The following SNX25 variants were observed in gnomAD, a reference collection of about 807,000 sequenced individuals.
SNX25 encodes the protein sorting nexin-25.
A neutral mutation model predicts 113.7 loss-of-function variants in SNX25; 62 were observed. That is an observed-to-expected ratio of 0.55 (90% CI 0.44 to 0.67). SNX25 has a LOEUF of 0.67. Ranked by LOEUF, SNX25 falls within the 30% of genes least tolerant of loss-of-function variation. SNX25 has a pLI of 0.00. For synonymous variants in SNX25, 421 were observed against 436.2 expected, an observed-to-expected ratio of 0.97 and a Z score of 0.43; for missense variants, 1,014 against 1,161.0, an observed-to-expected ratio of 0.87 and a Z score of 1.84.
At chr4:185,326,588 C>T (rs2095158814) in intron 9 of SNX25, among the ~76,000 whole-genome samples, 1 of 152,104 alleles carries the variant, frequency 6.6e-6, no homozygotes, top group African/African-American at 2.4e-5. Flanking sequence ...TAAGATATAT[C>T]AGAATTATAG....
At chr4:185,367,313 T>G (rs1579959211), downstream of SNX25, 6 of 1,410,598 alleles carry the variant, frequency 4.3e-6, 2 homozygotes, top group Admixed American at 1.3e-4. Context: ...CTTTTTTTTT[T>G]TTTCTTTTTT....
chr4:185,211,449 G>A (rs1050964295), intron 1 of SNX25, among the ~76,000 whole-genome samples: 2 of 152,150 alleles, frequency 1.3e-5, no homozygotes, highest in Middle Eastern at 3.4e-3. Flanking sequence ...CAGGAGTTGC[G>A]GAGCAGATAT....
At chr4:185,361,164 G>T (rs2095361421) in intron 16 of SNX25, among the ~76,000 whole-genome samples, 1 of 152,052 alleles carries the variant, frequency 6.6e-6, no homozygotes, top group Non-Finnish European at 1.5e-5. Context: ...CGAGTATCCT[G>T]CCCAGCATTC....
chr4:185,260,651 G>A (rs1319077005), intron 3 of SNX25, among the ~76,000 whole-genome samples: 1 of 152,214 alleles, frequency 6.6e-6, no homozygotes. Flanking sequence ...AGCCACGGGA[G>A]TGATGATGCC....
rs150071310 is a variant in SNX25, at chr4:185,250,173, G to A, written c.514+2795G>A. On this transcript the variant is annotated intron_variant, in intron 2 of 18. Coordinates refer to ENST00000652585, the MANE Select transcript of SNX25 (RefSeq NM_001378034.2). Reference sequence around the variant, plus strand: ...CTGAGGATGGATGTGTTTGGATTTTGTTCTTCACCTAAAGTGAGTCCCTCA... The same window carrying A: ...CTGAGGATGGATGTGTTTGGATTTTATTCTTCACCTAAAGTGAGTCCCTCA... Among the ~76,000 whole-genome samples the A allele has an allele frequency of 1.9e-4, 29 of 152,270 alleles. No individual in the cohort carries two copies. In the East Asian group the frequency reaches 5.6e-3, roughly 29 times the overall value.
At chr4:185,312,871 G>C (rs2692597) in intron 7 of SNX25, among the ~76,000 whole-genome samples, 4,044 of 152,174 alleles carry the variant, frequency 0.027, 163 homozygotes, top group African/African-American at 0.087. Context: ...ACTCATTTCT[G>C]TTGCAATAAT....
intron 3 of SNX25, among the ~76,000 whole-genome samples, chr4:185,261,442 G>A (rs1410638358): frequency 6.6e-6 from 1 of 152,172 alleles, no homozygotes; most frequent in Non-Finnish European, 1.5e-5. Context: ...CTGCCAAGGT[G>A]CTGGGATTAC....
chr4:185,245,474 A>C (rs1471654983), intron 1 of SNX25, among the ~76,000 whole-genome samples: 1 of 151,936 alleles, frequency 6.6e-6, no homozygotes, highest in Non-Finnish European at 1.5e-5. Flanking sequence ...AGTAGCTGGG[A>C]TTACAGGTGC....
chr4:185,328,021 C>T (rs963013289), intron 9 of SNX25, among the ~76,000 whole-genome samples: 7 of 152,124 alleles, frequency 4.6e-5, no homozygotes, highest in Non-Finnish European at 8.8e-5. Flanking sequence ...CTGAAAGATC[C>T]CATAGCTTTT....
intron 11 of SNX25, among the ~76,000 whole-genome samples, chr4:185,341,024 A>G (rs1204854324): frequency 6.6e-6 from 1 of 152,176 alleles, no homozygotes; most frequent in African/African-American, 2.4e-5. Flanking sequence ...TGGGGTGGTA[A>G]TCCTGCCTCA....
At chr4:185,238,248 C>T (rs1423728895) in intron 1 of SNX25, among the ~76,000 whole-genome samples, 1 of 151,826 alleles carries the variant, frequency 6.6e-6, no homozygotes, top group African/African-American at 2.4e-5. Flanking sequence ...GTGGCTGGGT[C>T]AAGGACCTAC....
chr4:185,273,266 G>T (rs1170002813), intron 5 of SNX25, among the ~76,000 whole-genome samples: 1 of 152,126 alleles, frequency 6.6e-6, no homozygotes, highest in Non-Finnish European at 1.5e-5. Context: ...TATATTTAAG[G>T]TGTACAGTGT....
At chr4:185,374,315 T>TA, downstream of SNX25, 1 of 1,614,090 alleles carries the variant, frequency 6.2e-7, no homozygotes, top group African/African-American at 1.3e-5. Flanking sequence ...TCAGGTAGGA[T>TA]TACCTTTCAG....
chr4:185,366,683 T>G (rs2095389057), downstream of SNX25: 1 of 152,216 alleles, frequency 6.6e-6, no homozygotes, highest in Non-Finnish European at 1.5e-5. Flanking sequence ...AAATTTTAAA[T>G]TTTTAAAATT....
chr4:185,212,804 G>A (rs898620810), intron 1 of SNX25, among the ~76,000 whole-genome samples: 2 of 152,160 alleles, frequency 1.3e-5, no homozygotes, highest in African/African-American at 4.8e-5. Flanking sequence ...TGAACCAAAT[G>A]GAGCTCCTTA....
rs113697299 is a variant in SNX25, at chr4:185,353,532, G to C, written c.2514G>C (p.Val838=). The C allele has an allele frequency of 1.9e-6, 3 of 1,614,184 alleles. No individual in the cohort carries two copies. The African/African-American group carries it at 4.0e-5, about 22-fold the overall frequency. ...DSDLSDYGDD[V]DGRKDALAEP... ...ACCTGTCAGATTATGGTGATGATGT[G>C]GATGGGAGGAAAGACGCCTTGGCTG... Residue 838 remains valine (V), a synonymous_variant, in exon 15 of 19, where the codon GTG becomes GTC. Coordinates refer to ENST00000652585, the MANE Select transcript of SNX25 (RefSeq NM_001378034.2).
chr4:185,233,918 C>T (rs1410088754), intron 1 of SNX25, among the ~76,000 whole-genome samples: 1 of 152,018 alleles, frequency 6.6e-6, no homozygotes, highest in Non-Finnish European at 1.5e-5. Context: ...AGTGCAGTGG[C>T]GCGATCTTGG....
intron 1 of SNX25, among the ~76,000 whole-genome samples, chr4:185,237,057 T>C (rs573960055): frequency 6.6e-6 from 1 of 152,186 alleles, no homozygotes; most frequent in East Asian, 1.9e-4. Context: ...TTTTGAAATT[T>C]AGGAAAACAG....
chr4:185,349,289 C>G (rs1300048518), intron 13 of SNX25, among the ~76,000 whole-genome samples: 3 of 152,110 alleles, frequency 2.0e-5, no homozygotes, highest in African/African-American at 7.2e-5. Context: ...GTATGTATAC[C>G]ACGTTTTCTC....
Sources: gnomAD v4.1 joint callset for allele counts (sites outside exome capture counted in the v4.1 genomes callset) on GRCh38, gnomAD v4.1.1 for gene constraint, MANE v1.5 for transcripts, NCBI Gene and HGNC (gene_info 2026-07-23, HGNC 2026-07-21) for gene names.